The following CTNNA3 variants were observed in gnomAD, a reference collection of about 807,000 sequenced individuals.
CTNNA3 encodes the protein catenin alpha-3.
In CTNNA3, 76 loss-of-function variants were observed where a neutral mutation model predicts 95.7. The ratio of observed to expected loss-of-function variants is 0.79; its 90% CI spans 0.66 to 0.96. CTNNA3 has a LOEUF of 0.96. Ranked by LOEUF, CTNNA3 falls within the 40% of genes least tolerant of loss-of-function variation. The probability of loss-of-function intolerance (pLI) is 0.00; values close to 1 mark genes in which losing one functional copy is unlikely to be tolerated. For synonymous variants in CTNNA3, 431 were observed against 374.4 expected, an observed-to-expected ratio of 1.15 and a Z score of -1.74; for missense variants, 1,191 against 1,089.8, an observed-to-expected ratio of 1.09 and a Z score of -1.31.
intron 11 of CTNNA3, among the ~76,000 whole-genome samples, chr10:66,416,347 T>A (rs911665075): frequency 3.3e-5 from 5 of 151,936 alleles, no homozygotes; most frequent in African/African-American, 9.7e-5. Context: ...ATTATTGGTA[T>A]CCAAGAAGGC....
intron 1 of CTNNA3, among the ~76,000 whole-genome samples, chr10:67,711,526 C>T (rs1286813670): frequency 6.6e-6 from 1 of 152,108 alleles, no homozygotes; most frequent in African/African-American, 2.4e-5. Context: ...ATGTGTGGAA[C>T]TTTGAACTTG....
chr10:67,290,905 CT>C (rs1344397331), intron 5 of CTNNA3, among the ~76,000 whole-genome samples: 7 of 152,172 alleles, frequency 4.6e-5, no homozygotes, highest in African/African-American at 1.7e-4. Context: ...AAAGAAGATT[CT>C]GCTAATCCAT....
chr10:67,038,118 T>A (rs1251507680), intron 7 of CTNNA3, among the ~76,000 whole-genome samples: 1 of 152,126 alleles, frequency 6.6e-6, no homozygotes, highest in East Asian at 1.9e-4. Context: ...TTTATATGAG[T>A]ATTGTAGAGC....
intron 3 of CTNNA3, among the ~76,000 whole-genome samples, chr10:67,550,313 G>C (rs1486465212): frequency 6.6e-6 from 1 of 152,072 alleles, no homozygotes; most frequent in African/African-American, 2.4e-5. Flanking sequence ...AATGCTCCCA[G>C]TGTAATATCA....
chr10:67,420,476 T>C (rs940900033), intron 5 of CTNNA3, among the ~76,000 whole-genome samples: 4 of 152,124 alleles, frequency 2.6e-5, no homozygotes, highest in African/African-American at 9.7e-5. Flanking sequence ...TGCATGACAT[T>C]GGAGAGTACT....
chr10:67,468,377 T>A (rs1429252439), intron 5 of CTNNA3, among the ~76,000 whole-genome samples: 1 of 151,110 alleles, frequency 6.6e-6, no homozygotes, highest in South Asian at 2.1e-4. Flanking sequence ...AAAAAAAAAA[T>A]GGAAAAGAAA....
At chr10:66,231,074 A>G (rs1424295635) in intron 13 of CTNNA3, among the ~76,000 whole-genome samples, 6 of 152,106 alleles carry the variant, frequency 3.9e-5, no homozygotes, top group Non-Finnish European at 5.9e-5. Flanking sequence ...AGAGGACCCA[A>G]TGTGAATTTT....
intron 15 of CTNNA3, among the ~76,000 whole-genome samples, chr10:66,036,037 A>T (rs74140927): frequency 1.3e-3 from 199 of 152,316 alleles, no homozygotes; most frequent in African/African-American, 4.5e-3. Context: ...AAGCTCAGTG[A>T]AAACTAACTT....
At chr10:66,352,739 C>T (rs74141452) in intron 12 of CTNNA3, among the ~76,000 whole-genome samples, 1,770 of 152,128 alleles carry the variant, frequency 0.012, 24 homozygotes, top group African/African-American at 0.035. Context: ...AAGCAAATCA[C>T]GTAAAGATAC....
intron 12 of CTNNA3, among the ~76,000 whole-genome samples, chr10:66,344,328 G>A (rs751913355): frequency 2.0e-5 from 3 of 151,216 alleles, no homozygotes; most frequent in African/African-American, 4.8e-5. Flanking sequence ...GTGCAGTGGC[G>A]TGATCTCAGC....
intron 7 of CTNNA3, among the ~76,000 whole-genome samples, chr10:66,818,731 G>GTTT (rs572738839): frequency 6.6e-6 from 1 of 151,394 alleles, no homozygotes; most frequent in African/African-American, 2.4e-5. Context: ...TGTTTTGTGG[G>GTTT]TTTTTTTCAG....
intron 7 of CTNNA3, among the ~76,000 whole-genome samples, chr10:66,836,007 T>G (rs977605737): frequency 5.3e-5 from 8 of 152,150 alleles, no homozygotes; most frequent in Non-Finnish European, 1.0e-4. Flanking sequence ...AACAATTAAA[T>G]TAATTTTTTA....
intron 7 of CTNNA3, among the ~76,000 whole-genome samples, chr10:66,930,433 G>T (rs978122003): frequency 6.6e-6 from 1 of 152,112 alleles, no homozygotes; most frequent in Admixed American, 6.6e-5. Context: ...TAAAGCATCA[G>T]TAAATACATA....
chr10:66,273,621 A>C (rs1223121024), intron 13 of CTNNA3, among the ~76,000 whole-genome samples: 1 of 152,228 alleles, frequency 6.6e-6, no homozygotes, highest in Non-Finnish European at 1.5e-5. Flanking sequence ...GCGAGGCTAA[A>C]ATTTAATTTT....
At chr10:66,214,373 C>G (rs1213142761) in intron 13 of CTNNA3, among the ~76,000 whole-genome samples, 1 of 152,136 alleles carries the variant, frequency 6.6e-6, no homozygotes, top group Non-Finnish European at 1.5e-5. Context: ...TTTCACAAGA[C>G]AGACAATAAG....
At chr10:66,258,787 C>A (rs1372807904) in intron 13 of CTNNA3, among the ~76,000 whole-genome samples, 1 of 152,112 alleles carries the variant, frequency 6.6e-6, no homozygotes, top group African/African-American at 2.4e-5. Flanking sequence ...TATATTAACC[C>A]TCCTGGGATC....
intron 13 of CTNNA3, among the ~76,000 whole-genome samples, chr10:66,256,220 G>A (rs1283848260): frequency 6.6e-6 from 1 of 152,172 alleles, no homozygotes; most frequent in Non-Finnish European, 1.5e-5. Context: ...TTACAAGCTA[G>A]ACTGCTGGAC....
At position 66,768,570 on chromosome 10, in the gene CTNNA3, C is replaced by T. The variant is rs1186467801; in HGVS notation, c.1129-2154G>A. 3.9e-5 allele frequency among the ~76,000 whole-genome samples: 6 copies of T among 152,150 alleles called. No individual in the cohort carries two copies. In the South Asian group the frequency reaches 8.3e-4, roughly 21 times the overall value. On this transcript the variant is annotated intron_variant, in intron 8 of 17. Transcript: ENST00000433211. Reference sequence around the variant, plus strand: ...CTACCAAACATAACTATAATATTCCCATCATGGACTTGTTAAATCTTCTCT... The same window carrying T: ...CTACCAAACATAACTATAATATTCCTATCATGGACTTGTTAAATCTTCTCT...
chr10:66,115,683 C>T (rs555880742), intron 13 of CTNNA3, among the ~76,000 whole-genome samples: 1 of 151,976 alleles, frequency 6.6e-6, no homozygotes, highest in South Asian at 2.1e-4. Flanking sequence ...CGTTAAGCTG[C>T]CAGGTATAGT....
Sources: allele counts gnomAD v4.1 joint callset (sites outside exome capture counted in the v4.1 genomes callset), GRCh38; gene constraint gnomAD v4.1.1; transcripts MANE v1.5; gene names NCBI Gene and HGNC (gene_info 2026-07-23, HGNC 2026-07-21).